CDV3: variants seen among roughly 807,000 people sequenced by gnomAD.
The protein encoded by CDV3 is CDV3 homolog.
A neutral mutation model predicts 24.5 loss-of-function variants in CDV3; 14 were observed. The ratio of observed to expected loss-of-function variants is 0.57; its 90% CI spans 0.38 to 0.89. CDV3 has a LOEUF of 0.89. CDV3 is among the 40% of genes least tolerant of loss of function. The pLI, the probability that CDV3 is intolerant of heterozygous loss-of-function variation, is 0.00. For missense variants in CDV3, 304 were observed against 310.2 expected (o/e 0.98, Z 0.15); for synonymous variants, 114 against 114.1 (o/e 1.00, Z 0.00).
chr3:133,588,588 ACCCTT>A lies in CDV3; in HGVS notation c.*543_*547del. 1 of 596,718 alleles carries A rather than the reference ACCCTT, an allele frequency of 1.7e-6. No homozygotes were observed. Among genetic ancestry groups the A allele is most frequent in the Non-Finnish European group, 3.0e-6 (1 of 336,066 alleles). The allele number at this position is 596,718 out of a possible 1,614,324, so 37.0% of individuals were successfully genotyped here. On this transcript the variant is annotated 3_prime_UTR_variant, in exon 5 of 5. Coordinates refer to ENST00000264993, the MANE Select transcript of CDV3 (RefSeq NM_017548.5). ...CCTTAATTAACCTGTCCTGTGCCCT[ACCCTT>A]AAGGAATACTCTCTGTAGTAGGCTG...
rs980179471 is a variant in CDV3, at chr3:133,578,930, C to T, written c.317+3815C>T. 2.3e-4 allele frequency among the ~76,000 whole-genome samples: 35 copies of T among 152,100 alleles called. 1 individual carries two copies. Among genetic ancestry groups the T allele is most frequent in the Admixed American group, 2.0e-4 (3 of 15,268 alleles). Reference sequence around the variant, plus strand: ...AGGATGTGTGATCCTATCAGCCTTACTAAAGAAAATGCATTTCTCAAATCT... The same window carrying T: ...AGGATGTGTGATCCTATCAGCCTTATTAAAGAAAATGCATTTCTCAAATCT... On this transcript the variant is annotated intron_variant, in intron 2 of 4. Transcript: ENST00000264993.
rs928040962 is a variant in CDV3 at position 133,589,349 on chromosome 3, AAGAC to A, written c.*1306_*1309del. ...ATGTTCATTTGGAGAGTCAGGGCGA[AAGAC>A]AGGTGATGTAGCACTTCTGTTTTTA... On this transcript the variant is annotated 3_prime_UTR_variant, in exon 5 of 5. Transcript: ENST00000264993. 7 of 152,766 alleles carry A rather than the reference AAGAC, an allele frequency of 4.6e-5. No homozygotes were observed. The highest frequency in any genetic ancestry group is 3.4e-3 in the Middle Eastern group (1 of 294). The allele number at this position is 152,766 out of a possible 1,614,324, so 9.5% of individuals were successfully genotyped here. A position where few individuals can be genotyped will look rare whatever the true frequency, so the allele number is the denominator to read the frequency against.
intron 2 of CDV3, among the ~76,000 whole-genome samples, chr3:133,583,130 A>G (rs1399263952): frequency 1.3e-5 from 2 of 152,216 alleles, no homozygotes; most frequent in Non-Finnish European, 2.9e-5. Context: ...TCCATTTATA[A>G]CATCTGGAAA....
Position 133,590,091 on chromosome 3 carries a change from CTTTTTA to C in CDV3, c.*2046_*2051del. ...ATTTAAATTACAACTCTTGTTATAACTTTTTAAAAGATTGTGAAAATATCAAAATAT... is the reference window on the plus strand; with the variant it reads ...ATTTAAATTACAACTCTTGTTATAACAAAGATTGTGAAAATATCAAAATAT... On this transcript the variant is annotated 3_prime_UTR_variant, in exon 5 of 5. Coordinates refer to ENST00000264993, the MANE Select transcript of CDV3 (RefSeq NM_017548.5). The C allele has an allele frequency of 6.6e-6, 1 of 152,078 alleles. No individual in the cohort carries two copies. The highest frequency in any genetic ancestry group is 2.4e-5 in the African/African-American group (1 of 41,398). The allele number at this position is 152,078 out of a possible 1,614,324, so 9.4% of individuals were successfully genotyped here. A position where few individuals can be genotyped will look rare whatever the true frequency, so the allele number is the denominator to read the frequency against.
At chr3:133,577,228 A>G (rs2074849445) in intron 2 of CDV3, among the ~76,000 whole-genome samples, 1 of 151,808 alleles carries the variant, frequency 6.6e-6, no homozygotes, top group Non-Finnish European at 1.5e-5. Context: ...GAGGTATTCC[A>G]CTAACCTGCA....
At chr3:133,576,225 A>T (rs2107694162) in intron 2 of CDV3, among the ~76,000 whole-genome samples, 1 of 152,352 alleles carries the variant, frequency 6.6e-6, no homozygotes, top group Non-Finnish European at 1.5e-5. Context: ...GATAATGGGA[A>T]ACTTTCAGGA....
chr3:133,576,640 A>G (rs960872769), intron 2 of CDV3, among the ~76,000 whole-genome samples: 4 of 152,174 alleles, frequency 2.6e-5, no homozygotes, highest in Non-Finnish European at 5.9e-5. Flanking sequence ...GAGATTATTT[A>G]AACAGAACCT....
chr3:133,583,110 G>T (rs1348286889), intron 2 of CDV3, among the ~76,000 whole-genome samples: 2 of 152,158 alleles, frequency 1.3e-5, no homozygotes. Flanking sequence ...TTACCACTGA[G>T]GGTATCTTTT....
At chr3:133,586,168 T>C (rs932537551) in intron 3 of CDV3, among the ~76,000 whole-genome samples, 4 of 152,186 alleles carry the variant, frequency 2.6e-5, no homozygotes, top group Non-Finnish European at 5.9e-5. Flanking sequence ...CAATATCGGC[T>C]CACTGCAACC....
chr3:133,587,600 TAGG>T (rs1559792615), intron 4 of CDV3: 1 of 1,136,280 alleles, frequency 8.8e-7, no homozygotes, highest in Non-Finnish European at 1.1e-6. Context: ...GTAAGAGTCT[TAGG>T]AGGAATGTCA....
intron 2 of CDV3, among the ~76,000 whole-genome samples, chr3:133,581,905 A>G (rs1933064280): frequency 6.6e-6 from 1 of 152,246 alleles, no homozygotes. Flanking sequence ...ATGTTAACGA[A>G]AAGGAAAACT....
At chr3:133,583,978 G>T in intron 2 of CDV3, 24 bp from the exon 3 acceptor site, 1 of 1,573,350 alleles carries the variant, frequency 6.4e-7, no homozygotes, top group Non-Finnish European at 8.6e-7. Flanking sequence ...ATTCCTTAAT[G>T]AATTTACATC....
intron 2 of CDV3, among the ~76,000 whole-genome samples, chr3:133,579,889 G>A (rs2074951909): frequency 6.6e-6 from 1 of 152,054 alleles, no homozygotes; most frequent in South Asian, 2.1e-4. Flanking sequence ...CACTGCGCCC[G>A]GCTGATAAAG....
At chr3:133,580,165 C>T (rs980122018) in intron 2 of CDV3, among the ~76,000 whole-genome samples, 4 of 151,910 alleles carry the variant, frequency 2.6e-5, no homozygotes, top group Non-Finnish European at 5.9e-5. Context: ...GTTCCCCTCC[C>T]TGTGTCCATT....
At chr3:133,583,346 A>C (rs1411697064) in intron 2 of CDV3, among the ~76,000 whole-genome samples, 2 of 152,332 alleles carry the variant, frequency 1.3e-5, no homozygotes, top group East Asian at 3.9e-4. Context: ...TTTGCTCACT[A>C]AAAATATGCT....
At chr3:133,576,830 A>T (rs533784699) in intron 2 of CDV3, among the ~76,000 whole-genome samples, 1 of 83,216 alleles carries the variant, frequency 1.2e-5, no homozygotes, top group African/African-American at 4.3e-5. Flanking sequence ...TTCAACCTGA[A>T]GGTAGACTAG....
At chr3:133,575,797 A>AT (rs1394200778) in intron 2 of CDV3, among the ~76,000 whole-genome samples, 1 of 152,204 alleles carries the variant, frequency 6.6e-6, no homozygotes, top group Non-Finnish European at 1.5e-5. Flanking sequence ...TGAAATTAAC[A>AT]TTTTGTCAAG....
intron 4 of CDV3, 180 bp from the exon 5 acceptor site, chr3:133,587,716 T>C (rs1933761375): frequency 7.2e-7 from 1 of 1,391,670 alleles, no homozygotes; most frequent in Admixed American, 3.1e-5. Flanking sequence ...TACAGCGTTC[T>C]GTGTTTTCTG....
At chr3:133,584,668 T>G (rs1933400941) in intron 3 of CDV3, among the ~76,000 whole-genome samples, 1 of 152,182 alleles carries the variant, frequency 6.6e-6, no homozygotes, top group Admixed American at 6.5e-5. Flanking sequence ...TGTCTTTCAC[T>G]TGTGCTTTGT....
Sources: allele counts gnomAD v4.1 joint callset (sites outside exome capture counted in the v4.1 genomes callset), GRCh38; gene constraint gnomAD v4.1.1; transcripts MANE v1.5; gene names NCBI Gene and HGNC (gene_info 2026-07-23, HGNC 2026-07-21).